SMS: variants seen among roughly 807,000 people sequenced by gnomAD.
The protein encoded by SMS is spermidine aminopropyltransferase.
SMS carries 3 observed loss-of-function variants against 33.0 expected under a neutral mutation model. The ratio of observed to expected loss-of-function variants is 0.09; its 90% CI spans 0.04 to 0.23. The LOEUF (loss-of-function observed/expected upper bound fraction) is 0.23, where lower values mean the gene tolerates loss of function less well. Among genes scored for constraint, SMS ranks in the 10% least tolerant of loss-of-function variants. The pLI, the probability that SMS is intolerant of heterozygous loss-of-function variation, is 1.00. For missense variants in SMS, 117 were observed against 288.6 expected, an observed-to-expected ratio of 0.41 and a Z score of 4.31; for synonymous variants, 103 against 112.2, an observed-to-expected ratio of 0.92 and a Z score of 0.52.
chrX:21,946,932 T>A (rs1922279436), intron 1 of SMS, among the ~76,000 whole-genome samples: 1 of 111,364 alleles, frequency 9.0e-6, no homozygotes, highest in Non-Finnish European at 1.9e-5. Flanking sequence ...TCTCTAAGGT[T>A]GGCACTGGGC....
intron 1 of SMS, among the ~76,000 whole-genome samples, chrX:21,941,653 G>A (rs1921786007): frequency 9.1e-6 from 1 of 109,968 alleles, no homozygotes; most frequent in Admixed American, 9.5e-5. Context: ...TTGGGAGGCC[G>A]AGGCGGGCGG....
chrX:21,954,043 G>C (rs1398543968), intron 1 of SMS, among the ~76,000 whole-genome samples: 4 of 111,119 alleles, frequency 3.6e-5, no homozygotes, highest in Non-Finnish European at 7.5e-5. Flanking sequence ...TGCAGTTTCT[G>C]TTGATACTAG....
chrX:21,967,158 C>T, intron 1 of SMS, 38 bp from the exon 2 acceptor site: 1 of 1,204,643 alleles, frequency 8.3e-7, no homozygotes. Context: ...CTGAACGTTT[C>T]TTTCTGACCA....
At chrX:21,977,709 G>A (rs750919787) in intron 5 of SMS, among the ~76,000 whole-genome samples, 1 of 111,602 alleles carries the variant, frequency 9.0e-6, no homozygotes, top group Admixed American at 9.5e-5. Context: ...TTAGTTATTC[G>A]GTATATTGAC....
intron 1 of SMS, among the ~76,000 whole-genome samples, chrX:21,961,053 T>C (rs902782964): frequency 2.0e-5 from 2 of 98,996 alleles, no homozygotes; most frequent in Non-Finnish European, 4.1e-5. Context: ...TTTTTTTTTT[T>C]TTTTTTGGTG....
chrX:21,941,702 T>G (rs1341472513), intron 1 of SMS, among the ~76,000 whole-genome samples: 1 of 107,045 alleles, frequency 9.3e-6, no homozygotes, highest in Non-Finnish European at 1.9e-5. Flanking sequence ...CTAGCCAACA[T>G]GGTGAAACCC....
chrX:21,965,970 G>C (rs948443732), intron 1 of SMS, among the ~76,000 whole-genome samples: 6 of 110,550 alleles, frequency 5.4e-5, no homozygotes, highest in African/African-American at 2.0e-4. Flanking sequence ...AATAAAAAAA[G>C]TCTGTGCAGG....
chrX:21,991,486 A>G (rs1031811884), intron 9 of SMS, among the ~76,000 whole-genome samples: 4 of 112,026 alleles, frequency 3.6e-5, no homozygotes, highest in African/African-American at 9.7e-5. Context: ...GCGAACAGTA[A>G]TTTTCTTAAG....
At position 21,983,402 on chromosome X, in the gene SMS, AT is replaced by A. The variant is rs60852980; in HGVS notation, c.751-892del. On this transcript the variant is annotated intron_variant, in intron 7 of 10. Transcript: ENST00000404933. ...ATTTAATTTTTCTTTTACTTAATGT[AT>A]TTTTTTTTTGAATTAGAAAACTAAA... is the stretch of plus-strand genomic sequence containing the variant. Among the ~76,000 whole-genome samples, 253 of 105,266 alleles carry A rather than the reference AT, an allele frequency of 2.4e-3. 2 individuals are homozygous for A. The highest frequency in any genetic ancestry group is 7.8e-3 in the African/African-American group (227 of 29,249). The allele number at this position is 105,266 out of a possible 115,157, so 91.4% of individuals were successfully genotyped here. A position where few individuals can be genotyped will look rare whatever the true frequency, so the allele number is the denominator to read the frequency against.
chrX:21,967,073 T>A (rs868784188), intron 1 of SMS, 123 bp from the exon 2 acceptor site: 1 of 352,344 alleles, frequency 2.8e-6, no homozygotes, highest in South Asian at 9.1e-5. Flanking sequence ...TATTTATTTA[T>A]TTATTTATTT....
chrX:21,951,291 TTA>T (rs1319171670), intron 1 of SMS, among the ~76,000 whole-genome samples: 1 of 112,225 alleles, frequency 8.9e-6, no homozygotes, highest in African/African-American at 3.2e-5. Context: ...TTTGATGAGG[TTA>T]TGTTTTTCTT....
chrX:21,967,148 C>T, intron 1 of SMS, 48 bp from the exon 2 acceptor site: 4 of 1,199,385 alleles, frequency 3.3e-6, no homozygotes, highest in Non-Finnish European at 4.5e-6. Flanking sequence ...GGCCTTCCTT[C>T]TGAACGTTTC....
chrX:21,977,409 A>G (rs1924605334), intron 5 of SMS, among the ~76,000 whole-genome samples, 173 bp downstream of exon 5: 1 of 112,232 alleles, frequency 8.9e-6, no homozygotes, highest in Non-Finnish European at 1.9e-5. Flanking sequence ...GGGCTTTCAC[A>G]TAAACTTTGT....
At chrX:21,944,522 CAAAAAAA>C (rs777680386) in intron 1 of SMS, among the ~76,000 whole-genome samples, 2,542 of 34,687 alleles carry the variant, frequency 0.073, 67 homozygotes, top group Admixed American at 0.1. Flanking sequence ...CCTGTCTCTA[CAAAAAAA>C]AAAAAAAAAA....
chrX:21,956,277 A>G (rs773375732), intron 1 of SMS, among the ~76,000 whole-genome samples: 2 of 110,722 alleles, frequency 1.8e-5, no homozygotes, highest in Admixed American at 9.6e-5. Flanking sequence ...AAACCATTCT[A>G]TGAAAAAGTC....
intron 1 of SMS, among the ~76,000 whole-genome samples, chrX:21,945,563 C>T (rs1042802153): frequency 5.5e-5 from 6 of 109,779 alleles, no homozygotes; most frequent in African/African-American, 1.3e-4. Flanking sequence ...ATTTTAGATG[C>T]GTGAAATAAC....
In SMS at chrX:21,941,884, C is replaced by CAA. The variant is rs760394146; in HGVS notation, c.49+1049_49+1050dup. On this transcript the variant is annotated intron_variant, in intron 1 of 10. Transcript: ENST00000404933. Reference sequence around the variant, plus strand: ...TGGGCGACAGAGCAAGACCCTGTCTCAAAAAAAAAAAAAAAAAAAAAAAAA... The same window carrying CAA: ...TGGGCGACAGAGCAAGACCCTGTCTCAAAAAAAAAAAAAAAAAAAAAAAAAAA... Among the ~76,000 whole-genome samples, 26 of 19,567 alleles carry CAA rather than the reference C, an allele frequency of 1.3e-3. 4 individuals carry two copies. Among genetic ancestry groups the CAA allele is most frequent in the African/African-American group, 2.5e-3 (11 of 4,335 alleles). 17.0% of individuals were successfully genotyped at this position (19,567 alleles called of 115,157 possible). A position where few individuals can be genotyped will look rare whatever the true frequency, so the allele number is the denominator to read the frequency against.
intron 7 of SMS, among the ~76,000 whole-genome samples, chrX:21,983,917 AC>A (rs1470791868): frequency 9.0e-6 from 1 of 111,225 alleles, no homozygotes; most frequent in African/African-American, 3.3e-5. Flanking sequence ...AGAAGATGAT[AC>A]AGATAGTGAT....
chrX:21,951,950 C>T (rs6629443), intron 1 of SMS, among the ~76,000 whole-genome samples: 4 of 110,550 alleles, frequency 3.6e-5, no homozygotes, highest in Non-Finnish European at 7.6e-5. Flanking sequence ...GATACTGTCA[C>T]AAGTAGATAA....
Sources: gnomAD v4.1 joint callset for allele counts (sites outside exome capture counted in the v4.1 genomes callset) on GRCh38, gnomAD v4.1.1 for gene constraint, MANE v1.5 for transcripts, NCBI Gene and HGNC (gene_info 2026-07-23, HGNC 2026-07-21) for gene names.